Variants in BDH2 observed in about 807,000 individuals in gnomAD.
BDH2 encodes the protein dehydrogenase/reductase SDR family member 6.
A neutral mutation model predicts 33.2 loss-of-function variants in BDH2; 24 were observed. The observed-to-expected ratio is 0.72, with a 90% CI of 0.52 to 1.02. The LOEUF (loss-of-function observed/expected upper bound fraction) is 1.02, where lower values mean the gene tolerates loss of function less well. Among genes scored for constraint, BDH2 ranks in the 50% least tolerant of loss-of-function variants. The pLI is 0.00. For synonymous variants in BDH2, 81 were observed against 101.6 expected (o/e 0.80, Z 1.22); for missense variants, 249 against 301.6 (o/e 0.83, Z 1.29).
Position 103,079,622 on chromosome 4 carries a change from G to T in BDH2, c.*80C>A. The stretch of plus-strand genomic sequence containing the variant: ...AACATGTGATTAACAGGAAGGAGAT[G>T]ATTGGTGAGTTTTCTTCGTAACCAG... On this transcript the variant is annotated 3_prime_UTR_variant, in exon 10 of 10. Transcript: ENST00000296424. The T allele has an allele frequency of 7.4e-7, 1 of 1,354,226 alleles. No individual in the cohort carries two copies. The highest frequency in any genetic ancestry group is 2.3e-5 in the East Asian group (1 of 43,618). 83.9% of individuals were successfully genotyped at this position (1,354,226 alleles called of 1,614,324 possible).
At chr4:103,089,793 CTA>C (rs1437769685) in intron 5 of BDH2, among the ~76,000 whole-genome samples, 1 of 152,092 alleles carries the variant, frequency 6.6e-6, no homozygotes. Flanking sequence ...GTTCCAAATA[CTA>C]TAGTTTCTCA....
At chr4:103,097,518 G>A (rs1367442844) in intron 1 of BDH2, 1 of 152,198 alleles carries the variant, frequency 6.6e-6, no homozygotes, top group East Asian at 1.9e-4. Context: ...TCATTAATGT[G>A]TGCCTCTGAC....
rs1202265090 is a variant in BDH2 at position 103,079,504 on chromosome 4, A to C, written c.*198T>G. The C allele has an allele frequency of 1.8e-6, 1 of 556,684 alleles. No homozygotes were observed. The highest frequency in any genetic ancestry group is 3.2e-6 in the Non-Finnish European group (1 of 314,892). 34.5% of individuals were successfully genotyped at this position (556,684 alleles called of 1,614,324 possible). On this transcript the variant is annotated 3_prime_UTR_variant, in exon 10 of 10. Coordinates refer to ENST00000296424, the MANE Select transcript of BDH2 (RefSeq NM_020139.4). ...GAGTTCAATATTTTTATTTCTTTACAATGATTTCAGAAGAGATTACAAAGA... is the reference window on the plus strand; with the variant it reads ...GAGTTCAATATTTTTATTTCTTTACCATGATTTCAGAAGAGATTACAAAGA...
At chr4:103,082,216 TG>T in intron 8 of BDH2, 43 bp from the exon 9 acceptor site, 1 of 1,532,680 alleles carries the variant, frequency 6.5e-7, no homozygotes, top group Non-Finnish European at 9.0e-7. Context: ...TGGAAGCAGC[TG>T]TATGTGCTCA....
intron 1 of BDH2, chr4:103,097,852 T>C (rs1748482977): frequency 6.6e-6 from 1 of 152,252 alleles, no homozygotes; most frequent in Non-Finnish European, 1.5e-5. Flanking sequence ...CTCTGTTCCA[T>C]TATCTGCCTG....
Position 103,079,801 on chromosome 4 carries a change from T to C in BDH2, c.685-46A>G, listed in dbSNP as rs772073217. The C allele has an allele frequency of 1.9e-6, 3 of 1,573,718 alleles. No homozygotes were observed. The South Asian group carries it at 3.3e-5, about 18-fold the overall frequency. ...AGACAGAACAATTAACCAGGTTTGA[T>C]ACAGGCTGTATTTTGAAATTTTCCT... On this transcript the variant is annotated intron_variant, in intron 9 of 9. Coordinates refer to ENST00000296424, the MANE Select transcript of BDH2 (RefSeq NM_020139.4).
intron 5 of BDH2, among the ~76,000 whole-genome samples, chr4:103,087,263 G>A (rs55643410): frequency 0.024 from 3,595 of 152,294 alleles, 121 homozygotes; most frequent in African/African-American, 0.077. Flanking sequence ...AGGCTGCAGA[G>A]GTCAACAAGG....
At chr4:103,092,797 TA>T in intron 3 of BDH2, 101 bp from the exon 4 acceptor site, 1 of 812,242 alleles carries the variant, frequency 1.2e-6, no homozygotes, top group Non-Finnish European at 2.1e-6. Context: ...TCTATCCAGC[TA>T]GGCTTCATAG....
In BDH2 at chr4:103,078,406, T is replaced by G. The variant is rs1747341306; in HGVS notation, c.*1296A>C. ...TTGGTGAAGAAATCTGTACTTAATTTAGAAAAGAAATCCCTCTAACTGACA... is the reference window on the plus strand; with the variant it reads ...TTGGTGAAGAAATCTGTACTTAATTGAGAAAAGAAATCCCTCTAACTGACA... On this transcript the variant is annotated 3_prime_UTR_variant, in exon 10 of 10. Transcript: ENST00000296424. 6.6e-6 allele frequency among the ~76,000 whole-genome samples: 1 copy of G among 152,216 alleles called. No individual in the cohort carries two copies. The highest frequency in any genetic ancestry group is 2.4e-5 in the African/African-American group (1 of 41,454).
In BDH2 at chr4:103,082,913, T is replaced by C. The variant is rs1214953564; in HGVS notation, c.549A>G (p.Pro183=). 5.6e-6 allele frequency: 9 copies of C among 1,612,846 alleles called. No individual in the cohort carries two copies. Among genetic ancestry groups the C allele is most frequent in the East Asian group, 4.5e-5 (2 of 44,882 alleles). ...NCVCPGTVDT[P]SLQERIQARG... ...TGGCTTGTATTCTTTCTTGTAGAGA[T>C]GGCGTATCAACTGTTCCTAAATCAA... Residue 183 remains proline (P), a synonymous_variant, in exon 8 of 10, where the codon CCA becomes CCG. Coordinates refer to ENST00000296424, the MANE Select transcript of BDH2 (RefSeq NM_020139.4).
rs1462453228 is a variant in BDH2, at chr4:103,077,954, C to G, written c.*1748G>C. On this transcript the variant is annotated 3_prime_UTR_variant, in exon 10 of 10. Transcript: ENST00000296424. Reference sequence around the variant, plus strand: ...ATAATCAATGGACTCTTTCTGAATGCTAGTCAAAATGTCCTTTTGTGTGAA... The same window carrying G: ...ATAATCAATGGACTCTTTCTGAATGGTAGTCAAAATGTCCTTTTGTGTGAA... 6.6e-6 allele frequency among the ~76,000 whole-genome samples: 1 copy of G among 152,196 alleles called. No individual in the cohort carries two copies. The highest frequency in any genetic ancestry group is 1.5e-5 in the Non-Finnish European group (1 of 68,036).
intron 3 of BDH2, among the ~76,000 whole-genome samples, chr4:103,094,297 G>A (rs1444543285): frequency 6.6e-6 from 1 of 152,154 alleles, no homozygotes; most frequent in Admixed American, 6.5e-5. Context: ...TGAAAATATT[G>A]AGACGTTGGT....
chr4:103,084,988 T>C (rs1240411850), intron 7 of BDH2, among the ~76,000 whole-genome samples: 2 of 152,190 alleles, frequency 1.3e-5, no homozygotes, highest in Admixed American at 1.3e-4. Context: ...TTTTAAAGAA[T>C]ATTATAATCC....
chr4:103,097,458 C>T (rs1022650817), intron 1 of BDH2, among the ~76,000 whole-genome samples: 3 of 151,958 alleles, frequency 2.0e-5, no homozygotes, highest in African/African-American at 7.2e-5. Context: ...AAATGACCAT[C>T]AAATGAGGCT....
intron 7 of BDH2, among the ~76,000 whole-genome samples, chr4:103,083,752 C>T (rs1560570112): frequency 6.6e-6 from 1 of 152,118 alleles, no homozygotes; most frequent in Non-Finnish European, 1.5e-5. Flanking sequence ...TCATACTTCA[C>T]CCTTAGATCA....
At position 103,085,407 on chromosome 4, in the gene BDH2, T is replaced by C; in HGVS notation, c.474A>G (p.Thr158=). The change falls in exon 7 of 10, where the codon ACA becomes ACG. Residue 158 remains threonine, a synonymous_variant. Transcript: ENST00000296424. ...GGATGAAATCTGCAGCCACAGATTTTGTGAGGCCAATCACGGCTGCCTTGG... is the reference window on the plus strand; with the variant it reads ...GGATGAAATCTGCAGCCACAGATTTCGTGAGGCCAATCACGGCTGCCTTGG... ...STTKAAVIGL[T]KSVAADFIQQ... is the part of the protein sequence containing the mutation. The C allele has an allele frequency of 1.9e-6, 3 of 1,612,826 alleles. No homozygotes were observed. The highest frequency in any genetic ancestry group is 2.5e-6 in the Non-Finnish European group (3 of 1,179,824).
At chr4:103,089,216 A>G (rs1452309465) in intron 5 of BDH2, among the ~76,000 whole-genome samples, 1 of 152,226 alleles carries the variant, frequency 6.6e-6, no homozygotes, top group Non-Finnish European at 1.5e-5. Flanking sequence ...TTAATGATAC[A>G]GAGGATCATA....
At chr4:103,084,070 C>A (rs534324417) in intron 7 of BDH2, among the ~76,000 whole-genome samples, 46 of 152,194 alleles carry the variant, frequency 3.0e-4, no homozygotes, top group Non-Finnish European at 6.0e-4. Flanking sequence ...CAAAGACACT[C>A]TTTTTTCTAA....
intron 2 of BDH2, among the ~76,000 whole-genome samples, 174 bp downstream of exon 2, chr4:103,096,009 A>G (rs1432780301): frequency 6.6e-6 from 1 of 152,234 alleles, no homozygotes; most frequent in African/African-American, 2.4e-5. Flanking sequence ...GCCTGGGGTC[A>G]GGAGTAGGGA....
Sources: gnomAD v4.1 joint callset for allele counts (sites outside exome capture counted in the v4.1 genomes callset) on GRCh38, gnomAD v4.1.1 for gene constraint, MANE v1.5 for transcripts, NCBI Gene and HGNC (gene_info 2026-07-23, HGNC 2026-07-21) for gene names.